RYK: variants seen among roughly 807,000 people sequenced by gnomAD.
RYK encodes receptor like tyrosine kinase.
RYK carries 21 observed loss-of-function variants against 70.2 expected under a neutral mutation model. The observed-to-expected ratio is 0.30, with a 90% CI of 0.21 to 0.43. The LOEUF is 0.43. Among genes scored for constraint, RYK ranks in the 20% least tolerant of loss-of-function variants. The pLI is 1.00. For missense variants in RYK, 604 were observed against 753.3 expected, an observed-to-expected ratio of 0.80 and a Z score of 2.32; for synonymous variants, 267 against 278.0, an observed-to-expected ratio of 0.96 and a Z score of 0.39.
chr3:134,175,767 T>C lies in RYK; in HGVS notation c.1417A>G (p.Ile473Val). ...HKDLAARNCV[I>V]DDTLQVKITD... ...ATCTTAACTTGAAGTGTGTCATCAA[T>C]GCTGAAAAGTAAAGATATGAACATC... Residue 473 changes from isoleucine (I) to valine (V), a missense_variant and splice_region_variant, in exon 13 of 15, where the codon ATT becomes GTT. Ile to Val is a conservative substitution (Grantham distance 29). Coordinates refer to ENST00000623711, the MANE Select transcript of RYK (RefSeq NM_002958.4). The C allele has an allele frequency of 3.1e-6, 5 of 1,613,822 alleles. No homozygotes were observed. The highest frequency in any genetic ancestry group is 4.2e-6 in the Non-Finnish European group (5 of 1,179,772).
intron 5 of RYK, among the ~76,000 whole-genome samples, chr3:134,207,058 C>T (rs112370286): frequency 8.5e-4 from 129 of 152,216 alleles, no homozygotes; most frequent in African/African-American, 2.9e-3. Context: ...CATACCTGCT[C>T]TGTAGGTTTA....
intron 9 of RYK, 27 bp downstream of exon 9, chr3:134,188,810 G>A: frequency 7.2e-7 from 1 of 1,385,110 alleles, no homozygotes; most frequent in Non-Finnish European, 1.0e-6. Context: ...AGAGCATCAT[G>A]GAAATACTAT....
chr3:134,212,600 T>C (rs970123553), intron 2 of RYK, among the ~76,000 whole-genome samples: 2 of 152,230 alleles, frequency 1.3e-5, no homozygotes, highest in Non-Finnish European at 2.9e-5. Flanking sequence ...ACTAGAAGAA[T>C]GGGAGACAGA....
At chr3:134,221,951 C>G (rs996740466) in intron 2 of RYK, among the ~76,000 whole-genome samples, 6 of 152,248 alleles carry the variant, frequency 3.9e-5, no homozygotes, top group African/African-American at 1.2e-4. Context: ...GGTAAAGAAG[C>G]CTCACCACAG....
At chr3:134,233,160 C>T (rs1017859948) in intron 1 of RYK, among the ~76,000 whole-genome samples, 6 of 152,194 alleles carry the variant, frequency 3.9e-5, no homozygotes, top group Admixed American at 1.3e-4. Context: ...ATAAGCCATG[C>T]TAAATGGTTT....
intron 8 of RYK, among the ~76,000 whole-genome samples, chr3:134,191,625 G>A (rs569279138): frequency 6.6e-5 from 10 of 152,252 alleles, no homozygotes; most frequent in African/African-American, 1.9e-4. Context: ...AATAATATAC[G>A]TGCTTTAATA....
chr3:134,230,107 G>A (rs1264966771), intron 1 of RYK, among the ~76,000 whole-genome samples: 1 of 152,052 alleles, frequency 6.6e-6, no homozygotes, highest in East Asian at 1.9e-4. Context: ...TCCCCCGAAC[G>A]TTTTTATTTT....
Position 134,202,765 on chromosome 3 carries a change from G to A in RYK, c.753C>T (p.His251=), listed in dbSNP as rs749431292. Residue 251 remains histidine, a synonymous_variant, in exon 6 of 15, where the codon CAC becomes CAT. Coordinates refer to ENST00000623711, the MANE Select transcript of RYK (RefSeq NM_002958.4). Reference sequence around the variant, plus strand: ...GTTCAATCCTTTTCATACTATGAAGGTGCAAAACAGCTAATATTATTGCTA... The same window carrying A: ...GTTCAATCCTTTTCATACTATGAAGATGCAAAACAGCTAATATTATTGCTA... ...FLVAIILAVL[H]LHSMKRIELD... The A allele has an allele frequency of 1.2e-6, 2 of 1,612,880 alleles. No individual in the cohort carries two copies. The highest frequency in any genetic ancestry group is 3.3e-5 in the Admixed American group (2 of 59,944).
chr3:134,246,450 A>G (rs2015471177), intron 1 of RYK, among the ~76,000 whole-genome samples: 1 of 151,944 alleles, frequency 6.6e-6, no homozygotes, highest in East Asian at 1.9e-4. Context: ...AATACAAGAA[A>G]GAAAAGGAAG....
At chr3:134,193,442 C>T (rs2013714739) in intron 7 of RYK, among the ~76,000 whole-genome samples, 1 of 152,238 alleles carries the variant, frequency 6.6e-6, no homozygotes, top group Non-Finnish European at 1.5e-5. Flanking sequence ...CTTGGCCTCC[C>T]AAAGTGGTGG....
chr3:134,218,108 A>C (rs1302478655), intron 2 of RYK, among the ~76,000 whole-genome samples: 1 of 152,178 alleles, frequency 6.6e-6, no homozygotes, highest in Admixed American at 6.5e-5. Context: ...CAAACTTATA[A>C]CCTCACTCTA....
chr3:134,170,986 A>C (rs1418114317), intron 13 of RYK: 1 of 153,462 alleles, frequency 6.5e-6, no homozygotes, highest in African/African-American at 2.4e-5. Flanking sequence ...CTAAAGGAAA[A>C]TCTGATGGCG....
At chr3:134,239,443 CAA>C (rs2015267975) in intron 1 of RYK, among the ~76,000 whole-genome samples, 1 of 151,318 alleles carries the variant, frequency 6.6e-6, no homozygotes, top group Non-Finnish European at 1.5e-5. Flanking sequence ...GCCTGGGCAA[CAA>C]AGAGAGACCC....
At chr3:134,212,229 T>C (rs990207910) in intron 2 of RYK, among the ~76,000 whole-genome samples, 1 of 152,224 alleles carries the variant, frequency 6.6e-6, no homozygotes, top group African/African-American at 2.4e-5. Flanking sequence ...ATGAGATGTC[T>C]CTAAAACACC....
intron 1 of RYK, among the ~76,000 whole-genome samples, chr3:134,248,268 T>C (rs1030545131): frequency 2.0e-5 from 3 of 151,056 alleles, no homozygotes; most frequent in African/African-American, 7.3e-5. Flanking sequence ...ATTGAAACAA[T>C]GCTTCCTACC....
Position 134,175,744 on chromosome 3 carries a change from C to T in RYK, c.1440G>A (p.Lys480=), listed in dbSNP as rs764564555. 1.2e-6 allele frequency: 2 copies of T among 1,613,882 alleles called. No homozygotes were observed. Among genetic ancestry groups the T allele is most frequent in the Admixed American group, 3.3e-5 (2 of 60,012 alleles). The change falls in exon 13 of 15, where the codon AAG becomes AAA. Residue 480 remains lysine (K), a synonymous_variant. Transcript: ENST00000623711. ...CTCTGGAGAGGGCATTGTCTGTGATCTTAACTTGAAGTGTGTCATCAATGC... is the reference window on the plus strand; with the variant it reads ...CTCTGGAGAGGGCATTGTCTGTGATTTTAACTTGAAGTGTGTCATCAATGC... ...NCVIDDTLQV[K]ITDNALSRDL...
At position 134,202,698 on chromosome 3, in the gene RYK, AT is replaced by A. The variant is rs567930088; in HGVS notation, c.788+31del. 6.1e-4 allele frequency: 973 copies of A among 1,599,930 alleles called. 1 individual carries two copies. In the African/African-American group the frequency reaches 0.01, roughly 17 times the overall value. On this transcript the variant is annotated intron_variant, in intron 6 of 14. Coordinates refer to ENST00000623711, the MANE Select transcript of RYK (RefSeq NM_002958.4). ...CACATATATACAAATAACTGCTTTCATTTTTTTTCTTTCCCAAAATATGTAC... is the reference window on the plus strand; with the variant it reads ...CACATATATACAAATAACTGCTTTCATTTTTTTCTTTCCCAAAATATGTAC...
intron 14 of RYK, 119 bp from the exon 15 acceptor site, chr3:134,158,383 T>A: frequency 2.3e-6 from 1 of 430,054 alleles, no homozygotes; most frequent in South Asian, 1.1e-4. Context: ...GATGATATAT[T>A]AAAAACGGAT....
At chr3:134,195,687 C>CTA (rs748184057) in intron 6 of RYK, among the ~76,000 whole-genome samples, 19 of 152,338 alleles carry the variant, frequency 1.2e-4, no homozygotes, top group Non-Finnish European at 2.2e-4. Context: ...TGGCTCACGC[C>CTA]TGTAATCCCA....
Sources: gnomAD v4.1 joint callset for allele counts (sites outside exome capture counted in the v4.1 genomes callset) on GRCh38, gnomAD v4.1.1 for gene constraint, MANE v1.5 for transcripts, NCBI Gene and HGNC (gene_info 2026-07-23, HGNC 2026-07-21) for gene names.